IL1RAPL2: variants seen among roughly 807,000 people sequenced by gnomAD.
IL1RAPL2 encodes X-linked interleukin-1 receptor accessory protein-like 2.
Under a neutral mutation model 44.1 loss-of-function variants are expected in IL1RAPL2, and 3 were observed. That is an observed-to-expected ratio of 0.07 (90% CI 0.03 to 0.18). IL1RAPL2 has a LOEUF of 0.18. Ranked by LOEUF, IL1RAPL2 falls within the 10% of genes least tolerant of loss-of-function variation. IL1RAPL2 has a pLI of 1.00. For synonymous variants in IL1RAPL2, 181 were observed against 178.8 expected (o/e 1.01, Z -0.10); for missense variants, 391 against 496.4 (o/e 0.79, Z 2.02).
chrX:104,672,730 C>T (rs1218385069), intron 2 of IL1RAPL2, among the ~76,000 whole-genome samples: 13 of 104,359 alleles, frequency 1.2e-4, no homozygotes, highest in African/African-American at 4.6e-4. Flanking sequence ...AAAAGTGTTC[C>T]TATTTCTCCA....
intron 3 of IL1RAPL2, among the ~76,000 whole-genome samples, chrX:105,198,270 G>T (rs1215087724): frequency 9.0e-6 from 1 of 111,527 alleles, no homozygotes; most frequent in Non-Finnish European, 1.9e-5. Flanking sequence ...ACCCAATAAT[G>T]AGATTGCTGG....
chrX:105,039,743 T>C (rs780942779), intron 2 of IL1RAPL2, among the ~76,000 whole-genome samples: 1 of 111,931 alleles, frequency 8.9e-6, no homozygotes. Flanking sequence ...ATCCTGAGAC[T>C]TTGCTGAAGT....
At chrX:104,914,485 T>C (rs1273295277) in intron 2 of IL1RAPL2, among the ~76,000 whole-genome samples, 1 of 112,235 alleles carries the variant, frequency 8.9e-6, no homozygotes, top group Non-Finnish European at 1.9e-5. Flanking sequence ...TAAAATGATA[T>C]ATAAATGCAT....
intron 2 of IL1RAPL2, among the ~76,000 whole-genome samples, chrX:104,685,874 G>A (rs1457313295): frequency 9.1e-6 from 1 of 109,533 alleles, no homozygotes. Flanking sequence ...CTTGCAGTGA[G>A]CTAAGATTGC....
At chrX:105,256,024 A>G (rs762005284) in intron 4 of IL1RAPL2, among the ~76,000 whole-genome samples, 3 of 111,839 alleles carry the variant, frequency 2.7e-5, no homozygotes, top group Non-Finnish European at 5.6e-5. Flanking sequence ...TGGTATATTA[A>G]CTTTAGATGT....
intron 2 of IL1RAPL2, among the ~76,000 whole-genome samples, chrX:105,059,019 T>C (rs2032036995): frequency 8.9e-6 from 1 of 111,921 alleles, no homozygotes; most frequent in African/African-American, 3.3e-5. Context: ...ATTTTTGGGG[T>C]ACATGAGATA....
chrX:105,047,496 T>C (rs2031856101), intron 2 of IL1RAPL2, among the ~76,000 whole-genome samples: 1 of 111,864 alleles, frequency 8.9e-6, no homozygotes, highest in African/African-American at 3.2e-5. Context: ...ACTATTTCCT[T>C]TGGATTGAGA....
intron 6 of IL1RAPL2, among the ~76,000 whole-genome samples, chrX:105,675,847 T>C (rs1237855950): frequency 1.8e-5 from 2 of 111,999 alleles, no homozygotes; most frequent in Non-Finnish European, 3.8e-5. Context: ...AACTTATTAT[T>C]GGTCTATTGA....
At chrX:104,896,575 C>A (rs1020886832) in intron 2 of IL1RAPL2, among the ~76,000 whole-genome samples, 1 of 111,333 alleles carries the variant, frequency 9.0e-6, no homozygotes, top group Non-Finnish European at 1.9e-5. Context: ...TTTAAACACA[C>A]CAATCAGTGC....
At chrX:105,278,757 G>A (rs1023721664) in intron 5 of IL1RAPL2, among the ~76,000 whole-genome samples, 1 of 111,973 alleles carries the variant, frequency 8.9e-6, no homozygotes, top group African/African-American at 3.2e-5. Context: ...ACACACCATA[G>A]TAAGTGATGG....
intron 1 of IL1RAPL2, among the ~76,000 whole-genome samples, chrX:104,602,767 C>T (rs1347829335): frequency 1.8e-5 from 2 of 111,483 alleles, no homozygotes; most frequent in African/African-American, 6.5e-5. Flanking sequence ...CTGCTGTGGC[C>T]AGACTGCCAG....
intron 6 of IL1RAPL2, among the ~76,000 whole-genome samples, chrX:105,497,572 A>G (rs999118664): frequency 8.9e-6 from 1 of 111,943 alleles, no homozygotes; most frequent in Non-Finnish European, 1.9e-5. Flanking sequence ...AATTCTTTCA[A>G]ACTCATTCAG....
chrX:105,575,945 A>T (rs960808864), intron 6 of IL1RAPL2, among the ~76,000 whole-genome samples: 26 of 110,104 alleles, frequency 2.4e-4, no homozygotes, highest in Non-Finnish European at 1.7e-4. Context: ...CTTTTTTTTC[A>T]TGTTTGTTGG....
chrX:105,516,973 C>T (rs965172213), intron 6 of IL1RAPL2, among the ~76,000 whole-genome samples: 10 of 111,569 alleles, frequency 9.0e-5, no homozygotes, highest in African/African-American at 2.9e-4. Flanking sequence ...TGTTGTGGGA[C>T]TAGCTAGGAT....
intron 6 of IL1RAPL2, among the ~76,000 whole-genome samples, chrX:105,536,790 A>G (rs1428140830): frequency 8.9e-6 from 1 of 112,096 alleles, no homozygotes; most frequent in East Asian, 2.8e-4. Context: ...GAAAAATCAT[A>G]TTTCAGTGCA....
chrX:105,629,395 G>A (rs1230998065), intron 6 of IL1RAPL2, among the ~76,000 whole-genome samples: 2 of 111,773 alleles, frequency 1.8e-5, no homozygotes, highest in African/African-American at 6.5e-5. Flanking sequence ...GGAGACAGAA[G>A]AAGAGATTAG....
intron 5 of IL1RAPL2, among the ~76,000 whole-genome samples, chrX:105,363,310 T>TATATATATA (rs2035267113): frequency 2.7e-5 from 2 of 73,866 alleles, no homozygotes; most frequent in African/African-American, 1.3e-4. Context: ...ATATATATAA[T>TATATATATA]ATATATATAT....
chrX:105,396,726 G>T (rs191596215), intron 5 of IL1RAPL2, among the ~76,000 whole-genome samples: 13 of 108,338 alleles, frequency 1.2e-4, no homozygotes, highest in Non-Finnish European at 2.3e-4. Flanking sequence ...AAGAGTAAGG[G>T]AGAGAACCAG....
chrX:104,921,983 C>T (rs1207841403), intron 2 of IL1RAPL2, among the ~76,000 whole-genome samples: 1 of 112,051 alleles, frequency 8.9e-6, no homozygotes, highest in Non-Finnish European at 1.9e-5. Flanking sequence ...ACAGGAGAGG[C>T]GCCGCCACCC....
Sources: allele counts gnomAD v4.1 joint callset (sites outside exome capture counted in the v4.1 genomes callset), GRCh38; gene constraint gnomAD v4.1.1; transcripts MANE v1.5; gene names NCBI Gene and HGNC (gene_info 2026-07-23, HGNC 2026-07-21).